Variants in POLN observed in about 807,000 individuals in gnomAD.
POLN encodes DNA polymerase N.
POLN carries 108 observed loss-of-function variants against 113.5 expected under a neutral mutation model. That is an observed-to-expected ratio of 0.95 (90% confidence interval 0.81 to 1.12). The LOEUF (loss-of-function observed/expected upper bound fraction) is 1.12, where lower values mean the gene tolerates loss of function less well. Among genes scored for constraint, POLN ranks in the 50% most tolerant of loss-of-function variants. POLN has a pLI of 0.00. For synonymous variants in POLN, 386 were observed against 391.5 expected, an observed-to-expected ratio of 0.99 and a Z score of 0.17; for missense variants, 1,097 against 1,077.1, an observed-to-expected ratio of 1.02 and a Z score of -0.26.
At chr4:2,179,601 G>A (rs1733083682) in intron 7 of POLN, 136 bp from the exon 8 acceptor site, 1 of 918,352 alleles carries the variant, frequency 1.1e-6, no homozygotes, top group African/African-American at 1.7e-5. Context: ...GGACCAAAGT[G>A]ACTTTCCATT....
chr4:2,178,241 T>C (rs1034638404), intron 8 of POLN, among the ~76,000 whole-genome samples: 1 of 152,312 alleles, frequency 6.6e-6, no homozygotes, highest in East Asian at 1.9e-4. Flanking sequence ...CCCAGCTCAG[T>C]GCCCAGCACA....
chr4:2,207,421 T>G (rs975115475), intron 5 of POLN, among the ~76,000 whole-genome samples: 1 of 152,074 alleles, frequency 6.6e-6, no homozygotes, highest in Non-Finnish European at 1.5e-5. Flanking sequence ...ATTTAAAAAT[T>G]TTGTGCTTCA....
At chr4:2,079,484 A>G in intron 23 of POLN, 1 of 985,656 alleles carries the variant, frequency 1.0e-6, no homozygotes, top group Non-Finnish European at 1.2e-6. Flanking sequence ...ATGGGTGAAC[A>G]CGTGTATGGG....
intron 8 of POLN, among the ~76,000 whole-genome samples, chr4:2,177,068 C>G (rs1347927191): frequency 1.3e-5 from 2 of 152,174 alleles, no homozygotes; most frequent in East Asian, 1.9e-4. Flanking sequence ...GCTTGTGGCT[C>G]TCCTGTGAAT....
Position 2,081,172 on chromosome 4 carries a change from C to A in POLN, c.2309-136G>T, listed in dbSNP as rs767076451. ...GCTCTGAGCTGTCTGAGTGCCAGGG[C>A]CACAGATGACTGCAGGCAGACACTT... On this transcript the variant is annotated intron_variant, in intron 22 of 25. Transcript: ENST00000511885. 5 of 1,593,962 alleles carry A rather than the reference C, an allele frequency of 3.1e-6. No homozygotes were observed. In the African/African-American group the frequency reaches 6.7e-5, roughly 21 times the overall value.
At chr4:2,201,522 G>A (rs1026835052) in intron 5 of POLN, among the ~76,000 whole-genome samples, 1 of 151,784 alleles carries the variant, frequency 6.6e-6, no homozygotes, top group Non-Finnish European at 1.5e-5. Flanking sequence ...AAGAAAACAT[G>A]AACAAAGCCT....
At chr4:2,239,945 A>T (rs957388135) in intron 2 of POLN, 9 of 915,394 alleles carry the variant, frequency 9.8e-6, no homozygotes, top group Non-Finnish European at 1.5e-5. Context: ...CTCTTCTCAG[A>T]TGCACCATTC....
intron 14 of POLN, among the ~76,000 whole-genome samples, chr4:2,158,601 A>G (rs144117740): frequency 6.6e-6 from 1 of 152,336 alleles, no homozygotes; most frequent in East Asian, 1.9e-4. Context: ...AGCAGGCCAC[A>G]GGCTCAGTGA....
chr4:2,232,060 A>G lies in POLN; in HGVS notation c.-12-2817T>C, dbSNP rs1734600108. 1.3e-6 allele frequency: 2 copies of G among 1,587,586 alleles called. No individual in the cohort carries two copies. Among genetic ancestry groups the G allele is most frequent in the Admixed American group, 3.4e-5 (2 of 58,656 alleles). On this transcript the variant is annotated intron_variant, in intron 2 of 25. Transcript: ENST00000511885. ...CATTTGATGTAATTTATTATTTGCCAAAGTTTTTCTTTTTGTCTTCACATC... is the reference window on the plus strand; with the variant it reads ...CATTTGATGTAATTTATTATTTGCCGAAGTTTTTCTTTTTGTCTTCACATC...
chr4:2,189,094 A>C (rs746961752), intron 7 of POLN, among the ~76,000 whole-genome samples: 7 of 152,316 alleles, frequency 4.6e-5, no homozygotes, highest in East Asian at 3.9e-4. Context: ...CACACACACA[A>C]AAAGCTACAA....
intron 13 of POLN, among the ~76,000 whole-genome samples, chr4:2,160,132 G>A (rs1171502418): frequency 6.6e-6 from 1 of 152,166 alleles, no homozygotes; most frequent in East Asian, 1.9e-4. Context: ...CATCACTGGT[G>A]TTAATTTTAG....
Position 2,131,289 on chromosome 4 carries a change from T to C in POLN, c.1733A>G (p.Asn578Ser). Reference sequence around the variant, plus strand: ...TGGGTGCTTGGAGATACCTTGGATATTCTGTTAATAATAAGAGACTAGCTT... The same window carrying C: ...TGGGTGCTTGGAGATACCTTGGATACTCTGTTAATAATAAGAGACTAGCTT... ...VTGRLSAKHP[N>S]IQGISKHPIQ... The change falls in exon 17 of 26, where the codon AAT becomes AGT. Residue 578 changes from asparagine to serine, a missense_variant and splice_region_variant. Asn to Ser is a conservative substitution (Grantham distance 46, BLOSUM62 1). Coordinates refer to ENST00000511885, the MANE Select transcript of POLN (RefSeq NM_181808.4). The C allele has an allele frequency of 6.4e-7, 1 of 1,574,790 alleles. No individual in the cohort carries two copies. The highest frequency in any genetic ancestry group is 8.7e-7 in the Non-Finnish European group (1 of 1,145,594).
At chr4:2,208,981 T>C (rs989524423) in intron 4 of POLN, among the ~76,000 whole-genome samples, 3 of 150,870 alleles carry the variant, frequency 2.0e-5, no homozygotes, top group Non-Finnish European at 3.0e-5. Context: ...AGAGCGAAAC[T>C]CTGTCTCGAA....
rs892343501 is a variant in POLN at position 2,210,629 on chromosome 4, AT to A, written c.214-2143del. 1.5e-3 allele frequency among the ~76,000 whole-genome samples: 145 copies of A among 95,942 alleles called. 2 individuals carry two copies. The highest frequency in any genetic ancestry group is 4.7e-4 in the African/African-American group (7 of 14,916). 62.9% of individuals were successfully genotyped at this position (95,942 alleles called of 152,430 possible). On this transcript the variant is annotated intron_variant, in intron 4 of 25. Transcript: ENST00000511885. ...AATAATAATAATAATAATAATAATA[AT>A]AAAAAAAAGAGGCCGGGCATGGTGG...
intron 13 of POLN, among the ~76,000 whole-genome samples, chr4:2,164,921 A>C (rs1193811045): frequency 6.7e-6 from 1 of 150,234 alleles, no homozygotes; most frequent in Non-Finnish European, 1.5e-5. Context: ...AGTGCTGGCA[A>C]GGATGTGGAG....
At chr4:2,090,187 C>A in intron 20 of POLN, 1 of 913,282 alleles carries the variant, frequency 1.1e-6, no homozygotes, top group Non-Finnish European at 1.7e-6. Flanking sequence ...GACTCCTTAC[C>A]TTTTGCTATC....
intron 13 of POLN, among the ~76,000 whole-genome samples, chr4:2,162,181 T>A (rs1428234501): frequency 1.3e-5 from 2 of 152,156 alleles, no homozygotes; most frequent in Non-Finnish European, 2.9e-5. Context: ...CTGCTCACTC[T>A]TTGGGTCCAC....
intron 16 of POLN, among the ~76,000 whole-genome samples, chr4:2,138,621 G>C (rs1731918450): frequency 6.6e-6 from 1 of 152,210 alleles, no homozygotes; most frequent in South Asian, 2.1e-4. Flanking sequence ...GGTGAAATCA[G>C]CCAGGCACGG....
At chr4:2,112,083 A>T (rs1356269211) in intron 19 of POLN, among the ~76,000 whole-genome samples, 8 of 152,234 alleles carry the variant, frequency 5.3e-5, no homozygotes, top group Admixed American at 2.0e-4. Context: ...ATAATGCTGC[A>T]TATCTACAAC....
Sources: gnomAD v4.1 joint callset for allele counts (sites outside exome capture counted in the v4.1 genomes callset) on GRCh38, gnomAD v4.1.1 for gene constraint, MANE v1.5 for transcripts, NCBI Gene and HGNC (gene_info 2026-07-23, HGNC 2026-07-21) for gene names.